The following PCDH15 variants were observed in gnomAD, a reference collection of about 807,000 sequenced individuals.
PCDH15 encodes the protein protocadherin related 15.
PCDH15 carries 129 observed loss-of-function variants against 178.5 expected under a neutral mutation model. The ratio of observed to expected loss-of-function variants is 0.72; its 90% CI spans 0.63 to 0.84. The LOEUF (loss-of-function observed/expected upper bound fraction) is 0.84, where lower values mean the gene tolerates loss of function less well. PCDH15 is among the 40% of genes least tolerant of loss of function. The pLI is 0.00. For synonymous variants in PCDH15, 800 were observed against 732.0 expected, an observed-to-expected ratio of 1.09 and a Z score of -1.50; for missense variants, 2,230 against 2,099.9, an observed-to-expected ratio of 1.06 and a Z score of -1.21.
At chr10:54,439,999 A>G (rs2075695676) in intron 3 of PCDH15, among the ~76,000 whole-genome samples, 1 of 152,182 alleles carries the variant, frequency 6.6e-6, no homozygotes, top group Admixed American at 6.6e-5. Flanking sequence ...ATCTCTTTTT[A>G]AAGTCCTGGT....
At chr10:54,354,015 C>T (rs776681252) in intron 5 of PCDH15, among the ~76,000 whole-genome samples, 28 of 152,152 alleles carry the variant, frequency 1.8e-4, no homozygotes, top group South Asian at 8.3e-4. Flanking sequence ...TGACGAGTTT[C>T]GCTCTTGTTG....
chr10:54,962,374 A>G lies in PCDH15; in HGVS notation c.-79-64874T>C, dbSNP rs75618416. 8.4e-3 allele frequency among the ~76,000 whole-genome samples: 1,285 copies of G among 152,316 alleles called. 21 individuals are homozygous for G. Among genetic ancestry groups the G allele is most frequent in the African/African-American group, 0.029 (1,189 of 41,580 alleles). ...GGGCCAGAGCAGGGTGGTGGGACTG[A>G]AAGAGCTGTAACATAAATGGGCTGA... On this transcript the variant is annotated intron_variant, in intron 2 of 5. Transcript: ENST00000458638.
intron 16 of PCDH15, among the ~76,000 whole-genome samples, chr10:54,083,054 G>A (rs540893557): frequency 7.9e-5 from 12 of 151,968 alleles, no homozygotes; most frequent in Admixed American, 5.2e-4. Flanking sequence ...CCACAACCAA[G>A]TATCACTTCA....
At chr10:54,132,103 A>G (rs574392037) in intron 15 of PCDH15, among the ~76,000 whole-genome samples, 99 of 152,218 alleles carry the variant, frequency 6.5e-4, no homozygotes, top group African/African-American at 2.4e-3. Flanking sequence ...CAGAAGATAA[A>G]CTCTGTTCTC....
At chr10:54,681,695 T>A (rs1314611874) in intron 1 of PCDH15, among the ~76,000 whole-genome samples, 1 of 145,820 alleles carries the variant, frequency 6.9e-6, no homozygotes, top group African/African-American at 2.6e-5. Context: ...TTTGTTAGTG[T>A]TTTTTTTTAC....
chr10:53,847,688 T>TGGCCCTAACAAGGTGACA (rs1425964584), intron 28 of PCDH15, among the ~76,000 whole-genome samples: 1 of 152,118 alleles, frequency 6.6e-6, no homozygotes, highest in African/African-American at 2.4e-5. Flanking sequence ...TCTTTCACTT[T>TGGCCCTAACAAGGTGACA]GGCCCTAACA....
intron 37 of PCDH15, among the ~76,000 whole-genome samples, chr10:53,807,746 T>C (rs1421073593): frequency 6.6e-6 from 1 of 152,144 alleles, no homozygotes; most frequent in African/African-American, 2.4e-5. Flanking sequence ...CATTTAGATA[T>C]ACTAACTTAA....
chr10:54,062,253 C>CAAAAAAA (rs769054605), intron 18 of PCDH15, among the ~76,000 whole-genome samples: 9 of 75,836 alleles, frequency 1.2e-4, no homozygotes, highest in South Asian at 9.5e-4. Flanking sequence ...AAAAAAAAAA[C>CAAAAAAA]AAAAAACAAC....
chr10:54,222,532 T>TC (rs1201170823), intron 9 of PCDH15, among the ~76,000 whole-genome samples: 5 of 152,230 alleles, frequency 3.3e-5, no homozygotes, highest in Non-Finnish European at 7.3e-5. Context: ...CATTGTTGAG[T>TC]AATGTTTAAC....
intron 20 of PCDH15, among the ~76,000 whole-genome samples, chr10:54,005,466 T>A (rs2092351523): frequency 6.6e-6 from 1 of 151,904 alleles, no homozygotes. Flanking sequence ...TGTAAGAAAA[T>A]ATCTAGTAAT....
chr10:54,980,954 T>C (rs1250512060), intron 2 of PCDH15, among the ~76,000 whole-genome samples: 1 of 152,086 alleles, frequency 6.6e-6, no homozygotes, highest in Non-Finnish European at 1.5e-5. Flanking sequence ...TTAAAACATG[T>C]ATAAAATGAA....
chr10:53,981,203 A>G (rs1018649803), intron 21 of PCDH15, among the ~76,000 whole-genome samples: 1 of 152,212 alleles, frequency 6.6e-6, no homozygotes, highest in African/African-American at 2.4e-5. Context: ...AAAATAGAAT[A>G]ATAAGATTTC....
chr10:55,314,146 C>A (rs1406498356), intron 1 of PCDH15, among the ~76,000 whole-genome samples: 1 of 148,156 alleles, frequency 6.7e-6, no homozygotes, highest in African/African-American at 2.5e-5. Context: ...ATGTAGACAT[C>A]ATTTATAATA....
intron 3 of PCDH15, among the ~76,000 whole-genome samples, chr10:54,847,015 G>A (rs1265133073): frequency 6.6e-6 from 1 of 152,086 alleles, no homozygotes; most frequent in African/African-American, 2.4e-5. Context: ...ATAATTTTGT[G>A]AAAAGTTAAT....
intron 2 of PCDH15, among the ~76,000 whole-genome samples, chr10:55,618,870 A>G (rs1343260656): frequency 1.3e-5 from 2 of 152,072 alleles, no homozygotes; most frequent in Non-Finnish European, 2.9e-5. Flanking sequence ...CAATATCCCA[A>G]TCTGGATGAA....
At position 54,780,902 on chromosome 10, in the gene PCDH15, C is replaced by T. The variant is rs1950295212; in HGVS notation, c.-29+20023G>A. Among the ~76,000 whole-genome samples the T allele has an allele frequency of 3.3e-5, 5 of 151,874 alleles. No individual in the cohort carries two copies. In the East Asian group the frequency reaches 9.7e-4, roughly 29 times the overall value. ...ACTAAATCAGAAACTTAAAATGGCC[C>T]AATAAAATGTAAAGCTCCTTAGAAA... On this transcript the variant is annotated intron_variant, in intron 1 of 37. Transcript: ENST00000644397.
At chr10:54,219,995 T>C (rs887516496) in intron 9 of PCDH15, among the ~76,000 whole-genome samples, 16 of 152,176 alleles carry the variant, frequency 1.1e-4, no homozygotes, top group Non-Finnish European at 1.2e-4. Flanking sequence ...CAAATGGTGA[T>C]TTTATTTACT....
At chr10:54,254,907 C>T (rs2056778935) in intron 8 of PCDH15, among the ~76,000 whole-genome samples, 1 of 86,598 alleles carries the variant, frequency 1.2e-5, no homozygotes. Flanking sequence ...TTCAGAATTT[C>T]AACGTAATTT....
intron 2 of PCDH15, among the ~76,000 whole-genome samples, chr10:55,505,273 G>A (rs776687569): frequency 9.9e-5 from 15 of 151,238 alleles, no homozygotes; most frequent in Non-Finnish European, 2.2e-4. Flanking sequence ...GCAATTAAGA[G>A]CTATTAAAGA....
Sources: allele counts gnomAD v4.1 joint callset (sites outside exome capture counted in the v4.1 genomes callset), GRCh38; gene constraint gnomAD v4.1.1; transcripts MANE v1.5; gene names NCBI Gene and HGNC (gene_info 2026-07-23, HGNC 2026-07-21).